The following DEFB108B variants were observed in gnomAD, a reference collection of about 807,000 sequenced individuals.
DEFB108B encodes defensin beta 108B.
A neutral mutation model predicts 2.4 loss-of-function variants in DEFB108B; 3 were observed. The observed-to-expected ratio is 1.25, with a 90% CI of 0.57 to 3.24. The LOEUF is 3.24. Ranked by LOEUF, DEFB108B falls within the 30% of genes most tolerant of loss-of-function variation. DEFB108B has a pLI of 0.03. For missense variants in DEFB108B, 101 were observed against 87.8 expected, an observed-to-expected ratio of 1.15 and a Z score of -0.60; for synonymous variants, 25 against 28.7, an observed-to-expected ratio of 0.87 and a Z score of 0.41.
intron 1 of DEFB108B, chr11:71,834,847 C>T (rs1164921047): frequency 6.6e-6 from 1 of 152,180 alleles, no homozygotes; most frequent in Non-Finnish European, 1.5e-5. Flanking sequence ...AGCTTATTTC[C>T]TCATCTTTAA....
Position 71,837,411 on chromosome 11 carries a change from T to A in DEFB108B, c.71T>A (p.Phe24Tyr), listed in dbSNP as rs1018610025. 6.2e-7 allele frequency: 1 copy of A among 1,611,794 alleles called. No homozygotes were observed. Among genetic ancestry groups the A allele is most frequent in the Non-Finnish European group, 8.5e-7 (1 of 1,179,756 alleles). ...CTTCTTCATGTAGCCAGGGGCAAAT[T>A]CAAGGAGATCTGTGAACGTCCAAAT... ...MSQVLPARGK[F>Y]KEICERPNGS... Residue 24 changes from phenylalanine (F) to tyrosine (Y), a missense_variant, in exon 2 of 2, where the codon TTC becomes TAC. Phe to Tyr is a conservative substitution (Grantham distance 22). Transcript: ENST00000328698.
chr11:71,837,334 A>C, intron 1 of DEFB108B, 65 bp from the exon 2 acceptor site: 1 of 1,583,518 alleles, frequency 6.3e-7, no homozygotes, highest in Non-Finnish European at 8.7e-7. Context: ...CCCTACATCC[A>C]TGTAATTCAA....
At chr11:71,836,143 T>C (rs1030291777) in intron 1 of DEFB108B, among the ~76,000 whole-genome samples, 3 of 152,174 alleles carry the variant, frequency 2.0e-5, no homozygotes, top group African/African-American at 7.2e-5. Context: ...AAGGAAGAGA[T>C]GGAAAGCTCA....
intron 1 of DEFB108B, among the ~76,000 whole-genome samples, chr11:71,836,854 A>G (rs1041601918): frequency 1.3e-5 from 2 of 152,114 alleles, no homozygotes; most frequent in Non-Finnish European, 2.9e-5. Flanking sequence ...TATCCTCTCT[A>G]ACAATTAAAG....
At chr11:71,837,231 G>A in intron 1 of DEFB108B, 168 bp from the exon 2 acceptor site, 2 of 908,354 alleles carry the variant, frequency 2.2e-6, no homozygotes, top group South Asian at 1.8e-5. Flanking sequence ...AAATCTTTGT[G>A]TGACAGCAGA....
chr11:71,837,588 T>G lies in DEFB108B; in HGVS notation c.*26T>G. On this transcript the variant is annotated 3_prime_UTR_variant, in exon 2 of 2. Transcript: ENST00000328698. ...AGCCTGTTGTTTTCTGGAGGTTTTA[T>G]GTTCTCTTTTTTCTCTCTCCCTCTC... 6.2e-7 allele frequency: 1 copy of G among 1,603,646 alleles called. No homozygotes were observed. The highest frequency in any genetic ancestry group is 1.7e-5 in the Admixed American group (1 of 59,040).
intron 1 of DEFB108B, among the ~76,000 whole-genome samples, chr11:71,836,493 G>A (rs1270658937): frequency 6.6e-6 from 1 of 152,050 alleles, no homozygotes; most frequent in Non-Finnish European, 1.5e-5. Flanking sequence ...TTATTGCCAA[G>A]AAGTTGTCAT....
rs1239488731 is a variant in DEFB108B, at chr11:71,837,195, G to C, written c.59-204G>C. ...CATGTAGGTGCACCCAATATTCTCA[G>C]ATTTTTCAAGAACACCAAAAAATCC... On this transcript the variant is annotated intron_variant, in intron 1 of 1. Transcript: ENST00000328698. 11 of 659,678 alleles carry C rather than the reference G, an allele frequency of 1.7e-5. No individual in the cohort carries two copies. The East Asian group carries it at 2.9e-4, about 18-fold the overall frequency. 40.9% of individuals were successfully genotyped at this position (659,678 alleles called of 1,614,324 possible).
At chr11:71,834,180 C>G (rs1489930962) in intron 1 of DEFB108B, among the ~76,000 whole-genome samples, 5 of 152,158 alleles carry the variant, frequency 3.3e-5, no homozygotes, top group Admixed American at 2.0e-4. Flanking sequence ...ACATCCCACC[C>G]TGGAGTTCTG....
intron 1 of DEFB108B, 85 bp downstream of exon 1, chr11:71,833,342 C>A (rs555462817): frequency 1.3e-6 from 2 of 1,570,686 alleles, no homozygotes; most frequent in South Asian, 1.2e-5. Flanking sequence ...TCACCTATAA[C>A]CAGAAAAGGG....
rs530671636 is a variant in DEFB108B at position 71,834,121 on chromosome 11, G to T, written c.58+864G>T. On this transcript the variant is annotated intron_variant, in intron 1 of 1. Transcript: ENST00000328698. The stretch of plus-strand genomic sequence containing the variant: ...CTGAAGTGCTTTTCTCAACAGTGGG[G>T]TAAATGTCAGAGTCAACACTTTGTT... 5.2e-4 allele frequency among the ~76,000 whole-genome samples: 79 copies of T among 152,286 alleles called. 1 individual carries two copies. In the South Asian group the frequency reaches 0.016, roughly 31 times the overall value.
rs1196833826 is a variant in DEFB108B at position 71,837,504 on chromosome 11, G to A, written c.164G>A (p.Cys55Tyr). 4 of 1,611,922 alleles carry A rather than the reference G, an allele frequency of 2.5e-6. No individual in the cohort carries two copies. The highest frequency in any genetic ancestry group is 3.4e-6 in the Non-Finnish European group (4 of 1,179,810). The change falls in exon 2 of 2, where the codon TGC (cysteine) becomes TAC (tyrosine). Residue 55 changes from cysteine (C) to tyrosine (Y), a missense_variant. By Grantham distance (194) the Cys-to-Tyr change is radical (BLOSUM62 -2). Coordinates refer to ENST00000328698, the MANE Select transcript of DEFB108B (RefSeq NM_001002035.2). ...GGGAGATGTTTAAATAGCCAACCCT[G>A]CTGCCTGCCTCTGGGGCATCAACCA... ...HVGRCLNSQP[C>Y]CLPLGHQPRI...
intron 1 of DEFB108B, among the ~76,000 whole-genome samples, chr11:71,833,829 A>G (rs2121248690): frequency 6.6e-6 from 1 of 152,296 alleles, no homozygotes; most frequent in Non-Finnish European, 1.5e-5. Context: ...GAATTTAAAC[A>G]CAGGAACCAG....
intron 1 of DEFB108B, 115 bp from the exon 2 acceptor site, chr11:71,837,283 CA>C (rs1952228013): frequency 4.6e-6 from 6 of 1,306,950 alleles, no homozygotes; most frequent in Non-Finnish European, 6.6e-6. Context: ...CACACACACA[CA>C]CACACACAAA....
At chr11:71,833,979 C>G (rs1952198137) in intron 1 of DEFB108B, among the ~76,000 whole-genome samples, 1 of 152,102 alleles carries the variant, frequency 6.6e-6, no homozygotes, top group Non-Finnish European at 1.5e-5. Context: ...TACCAGACAC[C>G]CAAAATAGAT....
At chr11:71,833,709 C>A (rs777335111) in intron 1 of DEFB108B, among the ~76,000 whole-genome samples, 16 of 152,150 alleles carry the variant, frequency 1.1e-4, no homozygotes, top group Non-Finnish European at 2.1e-4. Flanking sequence ...AAATCTTTAA[C>A]CTATTGCTCC....
At chr11:71,836,301 G>A (rs1395587745) in intron 1 of DEFB108B, among the ~76,000 whole-genome samples, 1 of 152,150 alleles carries the variant, frequency 6.6e-6, no homozygotes, top group East Asian at 1.9e-4. Flanking sequence ...TTCACATCAA[G>A]CCACTAACTG....
At chr11:71,834,741 T>C (rs964664658) in intron 1 of DEFB108B, 14 of 152,114 alleles carry the variant, frequency 9.2e-5, no homozygotes, top group African/African-American at 2.7e-4. Context: ...GAGTGGAAAA[T>C]AGAATGAGGC....
chr11:71,835,138 G>A (rs759571314), intron 1 of DEFB108B, among the ~76,000 whole-genome samples: 22 of 152,108 alleles, frequency 1.4e-4, no homozygotes, highest in Admixed American at 5.2e-4. Context: ...GTGCAGATTT[G>A]TTACATGGGT....
Sources: gnomAD v4.1 joint callset for allele counts (sites outside exome capture counted in the v4.1 genomes callset) on GRCh38, gnomAD v4.1.1 for gene constraint, MANE v1.5 for transcripts, NCBI Gene and HGNC (gene_info 2026-07-23, HGNC 2026-07-21) for gene names.